RORA: variants seen among roughly 807,000 people sequenced by gnomAD.
RORA encodes the protein RAR related orphan receptor A, also known as nuclear receptor ROR-alpha.
RORA carries 7 observed loss-of-function variants against 69.5 expected under a neutral mutation model. The ratio of observed to expected loss-of-function variants is 0.10; its 90% CI spans 0.06 to 0.19. The LOEUF (loss-of-function observed/expected upper bound fraction) is 0.19. RORA is among the 10% of genes least tolerant of loss of function. The probability of loss-of-function intolerance (pLI) is 1.00; values close to 1 mark genes in which losing one functional copy is unlikely to be tolerated. For missense variants in RORA, 457 were observed against 663.0 expected, an observed-to-expected ratio of 0.69 and a Z score of 3.41; for synonymous variants, 261 against 240.8, an observed-to-expected ratio of 1.08 and a Z score of -0.78.
rs34707279 is a variant in RORA at position 60,517,110 on chromosome 15, C to CTTTTTTTTTTTTTTTTTTTTTTTTT, written c.283-2354_283-2353insAAAAAAAAAAAAAAAAAAAAAAAAA. ...TTATTTTTCTTTTTGTTCATCTGTG[C>CTTTTTTTTTTTTTTTTTTTTTTTTT]TTTTTTTTTTTTTCCCCCCTACAAT... On this transcript the variant is annotated intron_variant, in intron 3 of 10. Coordinates refer to ENST00000335670, the MANE Select transcript of RORA (RefSeq NM_134261.3). Among the ~76,000 whole-genome samples the CTTTTTTTTTTTTTTTTTTTTTTTTT allele has an allele frequency of 6.2e-4, 88 of 141,196 alleles. 2 individuals carry two copies. Among genetic ancestry groups the CTTTTTTTTTTTTTTTTTTTTTTTTT allele is most frequent in the African/African-American group, 2.4e-3 (85 of 35,438 alleles). The allele number at this position is 141,196 out of a possible 152,430, so 92.6% of individuals were successfully genotyped here.
At chr15:60,622,839 C>A (rs1261595715) in intron 2 of RORA, among the ~76,000 whole-genome samples, 1 of 152,066 alleles carries the variant, frequency 6.6e-6, no homozygotes, top group East Asian at 1.9e-4. Flanking sequence ...TCTCAGCCAC[C>A]TGAGTAGCTG....
intron 1 of RORA, among the ~76,000 whole-genome samples, chr15:60,735,942 A>G (rs1230146897): frequency 6.6e-6 from 1 of 152,196 alleles, no homozygotes; most frequent in Non-Finnish European, 1.5e-5. Flanking sequence ...TCCATCCCCA[A>G]TTCTAAACAC....
At chr15:60,932,897 G>A (rs1365209076) in intron 1 of RORA, among the ~76,000 whole-genome samples, 1 of 152,214 alleles carries the variant, frequency 6.6e-6, no homozygotes, top group Admixed American at 6.5e-5. Flanking sequence ...AATTCTCTCA[G>A]TGGCCTGGCT....
chr15:60,750,602 G>A (rs368275567), intron 1 of RORA, among the ~76,000 whole-genome samples: 3 of 152,160 alleles, frequency 2.0e-5, no homozygotes, highest in East Asian at 3.8e-4. Flanking sequence ...GGCTCTCTAT[G>A]TATATAATCT....
chr15:60,520,092 T>G (rs75762115), intron 3 of RORA: 1,999 of 152,224 alleles, frequency 0.013, 20 homozygotes, highest in Middle Eastern at 0.031. Flanking sequence ...CACCTTATTC[T>G]CTACAGCATC....
At chr15:61,017,513 TA>T (rs940420426) in intron 1 of RORA, among the ~76,000 whole-genome samples, 102 of 152,042 alleles carry the variant, frequency 6.7e-4, no homozygotes, top group African/African-American at 2.3e-3. Context: ...TTTGCAAGCT[TA>T]AAAAAAAGAT....
intron 1 of RORA, chr15:61,212,002 T>G (rs2140937875): frequency 6.6e-6 from 1 of 152,186 alleles, no homozygotes; most frequent in Non-Finnish European, 1.5e-5. Context: ...CCTGATCAAC[T>G]TAAAAAAAAA....
At chr15:60,821,389 C>T (rs774327328) in intron 1 of RORA, among the ~76,000 whole-genome samples, 2 of 152,180 alleles carry the variant, frequency 1.3e-5, no homozygotes, top group African/African-American at 4.8e-5. Flanking sequence ...CGTGTCCTGG[C>T]GCCTGTGGTC....
At chr15:60,913,995 T>C (rs1891801923) in intron 1 of RORA, among the ~76,000 whole-genome samples, 1 of 152,206 alleles carries the variant, frequency 6.6e-6, no homozygotes, top group Non-Finnish European at 1.5e-5. Context: ...ACACTGACTT[T>C]TGTATGAAAG....
chr15:60,719,225 AAT>A, intron 1 of RORA, among the ~76,000 whole-genome samples: 2 of 152,246 alleles, frequency 1.3e-5, no homozygotes, highest in Admixed American at 1.3e-4. Context: ...CATATTTAAA[AAT>A]ATATACAGTG....
intron 2 of RORA, among the ~76,000 whole-genome samples, chr15:60,668,794 A>G (rs150972133): frequency 6.6e-6 from 1 of 152,256 alleles, no homozygotes; most frequent in South Asian, 2.1e-4. Flanking sequence ...GCCAATGAAA[A>G]TGCCTCATCA....
chr15:60,508,233 T>TA (rs898552842), intron 5 of RORA, among the ~76,000 whole-genome samples: 4 of 152,204 alleles, frequency 2.6e-5, no homozygotes, highest in African/African-American at 9.7e-5. Flanking sequence ...GCTCAGCAGA[T>TA]AATCTATAGT....
At chr15:60,763,419 T>G in intron 1 of RORA, among the ~76,000 whole-genome samples, 1 of 152,146 alleles carries the variant, frequency 6.6e-6, no homozygotes, top group East Asian at 1.9e-4. Flanking sequence ...CCCTTAAGCA[T>G]CAAATTATTT....
At chr15:60,984,185 C>A (rs1333021606) in intron 1 of RORA, among the ~76,000 whole-genome samples, 1 of 151,944 alleles carries the variant, frequency 6.6e-6, no homozygotes, top group African/African-American at 2.4e-5. Context: ...CATATAGCAC[C>A]CCGATTGAGT....
intron 2 of RORA, among the ~76,000 whole-genome samples, chr15:60,556,037 G>T (rs1249248610): frequency 8.5e-5 from 13 of 152,138 alleles, no homozygotes; most frequent in African/African-American, 3.1e-4. Flanking sequence ...CCTATTTTCT[G>T]CTGTTTCTTT....
At chr15:60,703,729 A>G (rs1341464964) in intron 1 of RORA, among the ~76,000 whole-genome samples, 1 of 152,218 alleles carries the variant, frequency 6.6e-6, no homozygotes, top group African/African-American at 2.4e-5. Context: ...ATATGAATGG[A>G]GAAGTCTATG....
At chr15:60,854,025 A>G (rs2073354829) in intron 1 of RORA, among the ~76,000 whole-genome samples, 1 of 152,190 alleles carries the variant, frequency 6.6e-6, no homozygotes, top group African/African-American at 2.4e-5. Context: ...GAACTTTGGG[A>G]GGCCAAGGCA....
chr15:61,060,426 C>A (rs1162471716), intron 1 of RORA, among the ~76,000 whole-genome samples: 1 of 152,286 alleles, frequency 6.6e-6, no homozygotes, highest in South Asian at 2.1e-4. Context: ...TGACAGCACC[C>A]CCTGAGAGCA....
chr15:60,523,130 A>G (rs770093053), intron 3 of RORA, among the ~76,000 whole-genome samples: 45 of 152,172 alleles, frequency 3.0e-4, no homozygotes, highest in Non-Finnish European at 5.1e-4. Context: ...CATTGTGAAT[A>G]ACATAAAAAG....
Sources: gnomAD v4.1 joint callset for allele counts (sites outside exome capture counted in the v4.1 genomes callset) on GRCh38, gnomAD v4.1.1 for gene constraint, MANE v1.5 for transcripts, NCBI Gene and HGNC (gene_info 2026-07-23, HGNC 2026-07-21) for gene names.